Variants in SERINC3 observed in about 807,000 individuals in gnomAD.
SERINC3 encodes the protein tumor differentially expressed protein 1.
In SERINC3, 22 loss-of-function variants were observed where a neutral mutation model predicts 52.1. The ratio of observed to expected loss-of-function variants is 0.42; its 90% CI spans 0.30 to 0.60. SERINC3 has a LOEUF of 0.60. SERINC3 is among the 20% of genes least tolerant of loss of function. The pLI, the probability that SERINC3 is intolerant of heterozygous loss-of-function variation, is 0.16. For synonymous variants in SERINC3, 226 were observed against 212.7 expected (o/e 1.06, Z -0.54); for missense variants, 564 against 584.6 (o/e 0.96, Z 0.36).
Position 44,521,899 on chromosome 20 carries a change from G to A in SERINC3, c.39+14C>T. 1 of 1,606,484 alleles carries A rather than the reference G, an allele frequency of 6.2e-7. No homozygotes were observed. On this transcript the variant is annotated intron_variant, in intron 1 of 9. Coordinates refer to ENST00000342374, the MANE Select transcript of SERINC3 (RefSeq NM_006811.4). ...AACCGCAGGTCCGGCGAGGACTCGG[G>A]ACCCCGAACTCACCCAGCTGGCGAG...
chr20:44,514,497 C>T (rs1317347200), intron 1 of SERINC3, among the ~76,000 whole-genome samples: 8 of 152,150 alleles, frequency 5.3e-5, no homozygotes, highest in African/African-American at 1.2e-4. Flanking sequence ...TGGTGGCTCA[C>T]GCCTGTAATC....
At chr20:44,502,772 ATT>A (rs1482577281) in intron 8 of SERINC3, among the ~76,000 whole-genome samples, 2 of 151,854 alleles carry the variant, frequency 1.3e-5, no homozygotes, top group Non-Finnish European at 2.9e-5. Context: ...CACCTGGCTA[ATT>A]TTTATAGAGA....
In SERINC3 at chr20:44,505,751, C is replaced by A. The variant is rs1304707126; in HGVS notation, c.784-860G>T. Among the ~76,000 whole-genome samples the A allele has an allele frequency of 6.6e-5, 10 of 151,974 alleles. 1 individual carries two copies. In the South Asian group the frequency reaches 1.7e-3, roughly 25 times the overall value. On this transcript the variant is annotated intron_variant, in intron 6 of 9. Transcript: ENST00000342374. ...AAGTAGCTGGGATTACAGGTGTGCG[C>A]CCCCACGCCTAGCTAATTTTGTATT...
chr20:44,520,629 G>GGGTTGA (rs1422576306), intron 1 of SERINC3, among the ~76,000 whole-genome samples: 15 of 152,076 alleles, frequency 9.9e-5, no homozygotes, highest in African/African-American at 2.7e-4. Context: ...GGGGGGATAG[G>GGGTTGA]GGTTGAAAAA....
chr20:44,499,265 T>G lies in SERINC3; in HGVS notation c.*1031A>C, dbSNP rs898570695. 1.3e-5 allele frequency: 2 copies of G among 152,390 alleles called. No individual in the cohort carries two copies. The highest frequency in any genetic ancestry group is 4.8e-5 in the African/African-American group (2 of 41,472). The allele number at this position is 152,390 out of a possible 1,614,324, so 9.4% of individuals were successfully genotyped here. On this transcript the variant is annotated 3_prime_UTR_variant, in exon 10 of 10. Coordinates refer to ENST00000342374, the MANE Select transcript of SERINC3 (RefSeq NM_006811.4). ...ACACCACCTCTCATGAAAATGGTTC[T>G]TGACAATGCCTTCCGTCTCTCATCT...
In SERINC3 at chr20:44,505,009, C is replaced by G. The variant is rs564374736; in HGVS notation, c.784-118G>C. The G allele has an allele frequency of 1.2e-3, 827 of 679,348 alleles. 13 individuals are homozygous for G. The highest frequency in any genetic ancestry group is 0.011 in the South Asian group (469 of 44,630). 42.1% of individuals were successfully genotyped at this position (679,348 alleles called of 1,614,324 possible). A position where few individuals can be genotyped will look rare whatever the true frequency, so the allele number is the denominator to read the frequency against. ...AGTAACTGAGAACTTTCGGATTCTT[C>G]TTGAGAGTTGAAAGGTGACAAGTAA... is the stretch of plus-strand genomic sequence containing the variant. On this transcript the variant is annotated intron_variant, in intron 6 of 9. Transcript: ENST00000342374.
intron 6 of SERINC3, 131 bp downstream of exon 6, chr20:44,506,696 T>G (rs2123044364): frequency 2.1e-6 from 1 of 477,616 alleles, no homozygotes; most frequent in East Asian, 3.5e-5. Flanking sequence ...AATAGAATTA[T>G]GAAGACTTTA....
At position 44,500,200 on chromosome 20, in the gene SERINC3, A is replaced by T; in HGVS notation, c.*96T>A. 7.6e-7 allele frequency: 1 copy of T among 1,319,248 alleles called. No homozygotes were observed. Among genetic ancestry groups the T allele is most frequent in the East Asian group, 2.5e-5 (1 of 39,784 alleles). 81.7% of individuals were successfully genotyped at this position (1,319,248 alleles called of 1,614,324 possible). On this transcript the variant is annotated 3_prime_UTR_variant, in exon 10 of 10. Transcript: ENST00000342374. ...ATACAGTCAAACTTGCAAAGCATTC[A>T]CTTAATATTTTAGTTGAAACAAACT...
rs143496374 is a variant in SERINC3 at position 44,503,903 on chromosome 20, G to A, written c.967C>T (p.Pro323Ser). The A allele has an allele frequency of 3.1e-6, 5 of 1,604,812 alleles. No individual in the cohort carries two copies. In the East Asian group the frequency reaches 9.1e-5, roughly 29 times the overall value. ...PGNSTAVVPT[P>S]TPPSKSGSLL... is the part of the protein sequence containing the mutation. Reference sequence around the variant, plus strand: ...GACCCACTCTTTGATGGTGGAGTAGGGGTAGGGACCACAGCAGTTGAATTT... The same window carrying A: ...GACCCACTCTTTGATGGTGGAGTAGAGGTAGGGACCACAGCAGTTGAATTT... Residue 323 changes from proline to serine, a missense_variant, in exon 8 of 10, where the codon CCT becomes TCT. Transcript: ENST00000342374.
intron 3 of SERINC3, 113 bp from the exon 4 acceptor site, chr20:44,511,481 TTGTC>T (rs2064347510): frequency 4.5e-6 from 3 of 669,956 alleles, no homozygotes; most frequent in East Asian, 2.7e-5. Context: ...CCCAACATGA[TTGTC>T]TGGACTATTT....
Position 44,500,135 on chromosome 20 carries a change from A to C in SERINC3, c.*161T>G. ...GATAAATGAGAAGTTTCGATTCTGC[A>C]TCAAGCATTATTCAATCTCACCTTC... On this transcript the variant is annotated 3_prime_UTR_variant, in exon 10 of 10. Transcript: ENST00000342374. 1.4e-6 allele frequency: 1 copy of C among 718,772 alleles called. No individual in the cohort carries two copies. Among genetic ancestry groups the C allele is most frequent in the Middle Eastern group, 2.8e-4 (1 of 3,626 alleles). The allele number at this position is 718,772 out of a possible 1,614,324, so 44.5% of individuals were successfully genotyped here. A position where few individuals can be genotyped will look rare whatever the true frequency, so the allele number is the denominator to read the frequency against.
rs1568782037 is a variant in SERINC3 at position 44,497,950 on chromosome 20, A to G, written c.*2346T>C. The G allele has an allele frequency of 6.6e-6, 1 of 152,218 alleles. No individual in the cohort carries two copies. The highest frequency in any genetic ancestry group is 1.5e-5 in the Non-Finnish European group (1 of 68,050). The allele number at this position is 152,218 out of a possible 1,614,324, so 9.4% of individuals were successfully genotyped here. A position where few individuals can be genotyped will look rare whatever the true frequency, so the allele number is the denominator to read the frequency against. ...CTAAAAATGGGTTACACTTTGCAAA[A>G]TAACTTTATTCTTTAACAATCTTGT... On this transcript the variant is annotated 3_prime_UTR_variant, in exon 10 of 10. Coordinates refer to ENST00000342374, the MANE Select transcript of SERINC3 (RefSeq NM_006811.4).
At chr20:44,521,619 G>A (rs1415895620) in intron 1 of SERINC3, among the ~76,000 whole-genome samples, 1 of 152,220 alleles carries the variant, frequency 6.6e-6, no homozygotes, top group African/African-American at 2.4e-5. Flanking sequence ...GTCATTCCTT[G>A]GTCCCTCTCC....
At position 44,511,339 on chromosome 20, in the gene SERINC3, A is replaced by G. The variant is rs1372203646; in HGVS notation, c.425T>C (p.Ile142Thr). ...GFWFFKIAAL[I>T]GIMVGSFYIP... Reference sequence around the variant, plus strand: ...GTAGAAAGAGCCAACCATGATTCCAATAAGGGCAGCAATTTTGAAGAACCA... The same window carrying G: ...GTAGAAAGAGCCAACCATGATTCCAGTAAGGGCAGCAATTTTGAAGAACCA... Residue 142 changes from isoleucine (I) to threonine (T), a missense_variant, in exon 4 of 10, where the codon ATT becomes ACT. Physicochemically the swap from Ile to Thr is moderately conservative, Grantham distance 89 (BLOSUM62 -1). Transcript: ENST00000342374. The G allele has an allele frequency of 3.1e-6, 5 of 1,613,302 alleles. No individual in the cohort carries two copies. Among genetic ancestry groups the G allele is most frequent in the Non-Finnish European group, 4.2e-6 (5 of 1,179,312 alleles).
At position 44,498,851 on chromosome 20, in the gene SERINC3, C is replaced by T. The variant is rs1398007496; in HGVS notation, c.*1445G>A. On this transcript the variant is annotated 3_prime_UTR_variant, in exon 10 of 10. Coordinates refer to ENST00000342374, the MANE Select transcript of SERINC3 (RefSeq NM_006811.4). ...AAGCCCTTTAAAATTCAGTCCCTGA[C>T]TACATTTCCCCATTCCAGCTTTACT... 3 of 152,216 alleles carry T rather than the reference C, an allele frequency of 2.0e-5. No individual in the cohort carries two copies. Among genetic ancestry groups the T allele is most frequent in the Non-Finnish European group, 4.4e-5 (3 of 68,038 alleles). 9.4% of individuals were successfully genotyped at this position (152,216 alleles called of 1,614,324 possible).
chr20:44,511,714 A>G (rs866564282), intron 3 of SERINC3, among the ~76,000 whole-genome samples: 59 of 152,344 alleles, frequency 3.9e-4, no homozygotes, highest in African/African-American at 1.3e-3. Flanking sequence ...TTAACTGTTA[A>G]GGTCTGGATG....
At chr20:44,515,820 T>C (rs2064376959) in intron 1 of SERINC3, among the ~76,000 whole-genome samples, 1 of 151,664 alleles carries the variant, frequency 6.6e-6, no homozygotes, top group Non-Finnish European at 1.5e-5. Context: ...CCAGCTGATT[T>C]TTTTTTGTAT....
intron 6 of SERINC3, among the ~76,000 whole-genome samples, chr20:44,506,534 G>A (rs1158993048): frequency 6.8e-5 from 9 of 131,704 alleles, no homozygotes; most frequent in African/African-American, 1.7e-4. Context: ...GCAGTGAGCC[G>A]AGATTGTGCC....
In SERINC3 at chr20:44,506,899, G is replaced by C. The variant is rs778302835; in HGVS notation, c.711C>G (p.Asn237Lys). Reference protein sequence around the residue: ...YYTKPDGCTENKFFISINLIL... With the variant: ...YYTKPDGCTEKKFFISINLIL... ...TCAGGTTAATACTGATGAAGAACTT[G>C]TTTTCTGTGCAGCCATCTGGTTTGG... is the stretch of plus-strand genomic sequence containing the variant. Residue 237 changes from asparagine (N) to lysine (K), a missense_variant, in exon 6 of 10, where the codon AAC becomes AAG. Transcript: ENST00000342374. 6.2e-7 allele frequency: 1 copy of C among 1,613,780 alleles called. No individual in the cohort carries two copies. Among genetic ancestry groups the C allele is most frequent in the Non-Finnish European group, 8.5e-7 (1 of 1,179,854 alleles).
Sources: gnomAD v4.1 joint callset for allele counts (sites outside exome capture counted in the v4.1 genomes callset) on GRCh38, gnomAD v4.1.1 for gene constraint, MANE v1.5 for transcripts, NCBI Gene and HGNC (gene_info 2026-07-23, HGNC 2026-07-21) for gene names.